Variants in CNBD1 observed in about 807,000 individuals in gnomAD.
CNBD1 encodes the protein cyclic nucleotide-binding domain-containing protein 1.
Under a neutral mutation model 54.4 loss-of-function variants are expected in CNBD1, and 71 were observed. The observed-to-expected ratio is 1.30, with a 90% CI of 1.08 to 1.59. The LOEUF (loss-of-function observed/expected upper bound fraction) is 1.59, where lower values mean the gene tolerates loss of function less well. Ranked by LOEUF, CNBD1 falls within the 40% of genes most tolerant of loss-of-function variation. CNBD1 has a pLI of 0.00. For synonymous variants in CNBD1, 182 were observed against 170.7 expected (o/e 1.07, Z -0.51); for missense variants, 659 against 518.0 (o/e 1.27, Z -2.64).
chr8:87,175,128 G>A (rs1813170755), intron 4 of CNBD1, among the ~76,000 whole-genome samples: 1 of 152,188 alleles, frequency 6.6e-6, no homozygotes, highest in Admixed American at 6.5e-5. Context: ...AGGTGGTAAA[G>A]CCAACTAGGC....
At position 86,872,244 on chromosome 8, in the gene CNBD1, G is replaced by A. The variant is rs1308319135; in HGVS notation, c.88+5661G>A. Among the ~76,000 whole-genome samples the A allele has an allele frequency of 2.6e-5, 4 of 151,962 alleles. No homozygotes were observed. The East Asian group carries it at 7.7e-4, about 29-fold the overall frequency. On this transcript the variant is annotated intron_variant, in intron 1 of 10. Transcript: ENST00000518476. ...CTTAGCTCATGTTTCCTGTGTTTGG[G>A]GTTCCCTTTGCTCTTCCTTTATTTG...
intron 3 of CNBD1, among the ~76,000 whole-genome samples, chr8:86,932,126 C>T (rs1208937733): frequency 6.6e-6 from 1 of 152,082 alleles, no homozygotes; most frequent in Non-Finnish European, 1.5e-5. Context: ...CAGCTAAAGC[C>T]ACATTCTTTT....
chr8:87,127,633 A>G lies in CNBD1; in HGVS notation c.432-78360A>G, dbSNP rs376122792. Among the ~76,000 whole-genome samples, 12 of 152,218 alleles carry G rather than the reference A, an allele frequency of 7.9e-5. 1 individual carries two copies. Among genetic ancestry groups the G allele is most frequent in the African/African-American group, 2.6e-4 (11 of 41,538 alleles). The stretch of plus-strand genomic sequence containing the variant: ...ATTTTATTTCTTCTTTACTGTCTCT[A>G]TATCACTTTTTCTTGACTTTATGTC... On this transcript the variant is annotated intron_variant, in intron 4 of 10. Transcript: ENST00000518476.
At chr8:87,211,961 A>T (rs1361203273) in intron 5 of CNBD1, among the ~76,000 whole-genome samples, 1 of 152,222 alleles carries the variant, frequency 6.6e-6, no homozygotes, top group South Asian at 2.1e-4. Flanking sequence ...TAATGTATTA[A>T]ATTGGTAACT....
At chr8:87,213,369 G>A (rs1021975905) in intron 5 of CNBD1, among the ~76,000 whole-genome samples, 2 of 152,086 alleles carry the variant, frequency 1.3e-5, no homozygotes, top group Non-Finnish European at 1.5e-5. Context: ...ACCTGAGACT[G>A]GATAATTTAT....
intron 4 of CNBD1, among the ~76,000 whole-genome samples, chr8:87,097,861 G>A (rs1218254991): frequency 6.6e-6 from 1 of 152,166 alleles, no homozygotes; most frequent in Non-Finnish European, 1.5e-5. Context: ...TGATCTGTCA[G>A]ATTCCACTGG....
intron 4 of CNBD1, among the ~76,000 whole-genome samples, chr8:87,131,664 G>T (rs1267525855): frequency 6.6e-6 from 1 of 151,402 alleles, no homozygotes; most frequent in African/African-American, 2.4e-5. Flanking sequence ...TCTTTGATTC[G>T]TACATCTTTT....
Position 87,243,941 on chromosome 8 carries a change from TA to T in CNBD1, c.771+6837del, listed in dbSNP as rs931980589. 2.0e-3 allele frequency among the ~76,000 whole-genome samples: 310 copies of T among 152,196 alleles called. 1 individual carries two copies. Among genetic ancestry groups the T allele is most frequent in the Middle Eastern group, 0.014 (4 of 294 alleles). On this transcript the variant is annotated intron_variant, in intron 6 of 10. Transcript: ENST00000518476. Reference sequence around the variant, plus strand: ...AAAGTTTATGTTTTGTTTTTTTAATTAAAAAAAATTTTGTATAAATTTATGG... The same window carrying T: ...AAAGTTTATGTTTTGTTTTTTTAATTAAAAAAATTTTGTATAAATTTATGG...
intron 5 of CNBD1, among the ~76,000 whole-genome samples, chr8:87,208,214 C>A (rs114861091): frequency 6.6e-6 from 1 of 152,086 alleles, no homozygotes. Context: ...GTTCTTAAAG[C>A]CTCATTATTT....
chr8:87,216,120 G>C (rs1242591891), intron 5 of CNBD1, among the ~76,000 whole-genome samples: 1 of 152,050 alleles, frequency 6.6e-6, no homozygotes, highest in Non-Finnish European at 1.5e-5. Flanking sequence ...TCTTATGTAA[G>C]CTATTTTTAA....
chr8:87,134,090 T>G (rs1220893353), intron 4 of CNBD1, among the ~76,000 whole-genome samples: 1 of 152,230 alleles, frequency 6.6e-6, no homozygotes, highest in Non-Finnish European at 1.5e-5. Flanking sequence ...TATTTACTTT[T>G]AAATGTGTTC....
chr8:86,956,255 CAGGT>C (rs1807766188), intron 4 of CNBD1, among the ~76,000 whole-genome samples: 1 of 152,126 alleles, frequency 6.6e-6, no homozygotes, highest in Non-Finnish European at 1.5e-5. Context: ...AGTTTGAAGT[CAGGT>C]AGCATGATGC....
intron 4 of CNBD1, among the ~76,000 whole-genome samples, chr8:87,147,250 C>T (rs1403919934): frequency 6.6e-6 from 1 of 152,068 alleles, no homozygotes; most frequent in Non-Finnish European, 1.5e-5. Context: ...GTATATCTCT[C>T]TATCATCTAT....
At chr8:87,284,948 G>C in intron 7 of CNBD1, 133 bp downstream of exon 7, 2 of 633,608 alleles carry the variant, frequency 3.2e-6, no homozygotes, top group Non-Finnish European at 4.9e-6. Context: ...CCATAAAAAT[G>C]TTATTTGACA....
At chr8:87,074,859 T>G (rs1368267299) in intron 4 of CNBD1, among the ~76,000 whole-genome samples, 2 of 152,228 alleles carry the variant, frequency 1.3e-5, no homozygotes, top group African/African-American at 4.8e-5. Flanking sequence ...AGACTGAAGC[T>G]GCTTCTAATC....
At chr8:87,369,323 A>G (rs528512078) in intron 10 of CNBD1, among the ~76,000 whole-genome samples, 71 of 151,964 alleles carry the variant, frequency 4.7e-4, no homozygotes, top group African/African-American at 1.6e-3. Context: ...TGAGTCATCT[A>G]TGTTCTTTTT....
chr8:87,373,527 T>A (rs889894498), intron 10 of CNBD1, among the ~76,000 whole-genome samples: 1 of 151,850 alleles, frequency 6.6e-6, no homozygotes, highest in Middle Eastern at 3.2e-3. Flanking sequence ...TATGATGCCT[T>A]AAATGTAACT....
chr8:87,246,977 G>C (rs1807819141), intron 6 of CNBD1, among the ~76,000 whole-genome samples: 1 of 152,020 alleles, frequency 6.6e-6, no homozygotes, highest in South Asian at 2.1e-4. Flanking sequence ...TGGAGACAGT[G>C]ACACCCGAAT....
At chr8:87,231,692 C>T (rs1477333306) in intron 5 of CNBD1, among the ~76,000 whole-genome samples, 2 of 152,094 alleles carry the variant, frequency 1.3e-5, no homozygotes, top group African/African-American at 4.8e-5. Flanking sequence ...ATTGACATAT[C>T]ATAGCATCAG....
Sources: allele counts gnomAD v4.1 joint callset (sites outside exome capture counted in the v4.1 genomes callset), GRCh38; gene constraint gnomAD v4.1.1; transcripts MANE v1.5; gene names NCBI Gene and HGNC (gene_info 2026-07-23, HGNC 2026-07-21).